Variants in TRIM44 observed in about 807,000 individuals in gnomAD.
TRIM44 encodes tripartite motif containing 44, also known as tripartite motif-containing protein 44.
TRIM44 carries 13 observed loss-of-function variants against 37.4 expected under a neutral mutation model. The observed-to-expected ratio is 0.35, with a 90% CI of 0.23 to 0.55. The LOEUF is 0.55. Ranked by LOEUF, TRIM44 falls within the 20% of genes least tolerant of loss-of-function variation. TRIM44 has a pLI of 0.89. For missense variants in TRIM44, 426 were observed against 437.2 expected (o/e 0.97, Z 0.23); for synonymous variants, 175 against 157.2 (o/e 1.11, Z -0.85).
intron 4 of TRIM44, among the ~76,000 whole-genome samples, chr11:35,786,062 C>T (rs979872720): frequency 4.6e-5 from 7 of 152,242 alleles, no homozygotes; most frequent in Non-Finnish European, 1.0e-4. Context: ...ATAGCTCCTA[C>T]TGAATGAGAA....
intron 2 of TRIM44, among the ~76,000 whole-genome samples, chr11:35,725,652 A>G (rs536528576): frequency 1.3e-5 from 2 of 152,224 alleles, no homozygotes; most frequent in East Asian, 3.9e-4. Context: ...TTTACTGTAT[A>G]TATTCATCGT....
rs142263796 is a variant in TRIM44 at position 35,709,695 on chromosome 11, A to G, written c.748-16229A>G. On this transcript the variant is annotated intron_variant, in intron 2 of 4. Transcript: ENST00000299413. ...CTCCAAAATCCAAGAGACAACTTACACTCCCCAGCTACTCTGAGAGATCAG... is the reference window on the plus strand; with the variant it reads ...CTCCAAAATCCAAGAGACAACTTACGCTCCCCAGCTACTCTGAGAGATCAG... 1.9e-3 allele frequency among the ~76,000 whole-genome samples: 286 copies of G among 151,994 alleles called. 2 individuals are homozygous for G. Among genetic ancestry groups the G allele is most frequent in the African/African-American group, 6.6e-3 (275 of 41,438 alleles).
At chr11:35,764,327 T>C (rs1852765342) in intron 4 of TRIM44, among the ~76,000 whole-genome samples, 1 of 152,222 alleles carries the variant, frequency 6.6e-6, no homozygotes, top group South Asian at 2.1e-4. Context: ...CAGATTAGGA[T>C]GGAATTGCCT....
At chr11:35,725,783 T>C in intron 2 of TRIM44, 141 bp from the exon 3 acceptor site, 1 of 853,512 alleles carries the variant, frequency 1.2e-6, no homozygotes, top group South Asian at 1.9e-5. Flanking sequence ...TAGGGGAACA[T>C]TGTTTTTAGG....
chr11:35,759,184 A>T (rs1400375074), intron 4 of TRIM44, among the ~76,000 whole-genome samples: 1 of 152,154 alleles, frequency 6.6e-6, no homozygotes, highest in Non-Finnish European at 1.5e-5. Flanking sequence ...TATTTCTTGG[A>T]GGCTTTGTTG....
chr11:35,769,998 T>C (rs1354852696), intron 4 of TRIM44, among the ~76,000 whole-genome samples: 4 of 152,190 alleles, frequency 2.6e-5, no homozygotes, highest in Non-Finnish European at 4.4e-5. Context: ...TGGGGTACAA[T>C]TGATCCTATC....
At chr11:35,737,476 G>A (rs560053157) in intron 4 of TRIM44, among the ~76,000 whole-genome samples, 30 of 152,160 alleles carry the variant, frequency 2.0e-4, no homozygotes, top group Admixed American at 3.9e-4. Flanking sequence ...GAACCCAGGA[G>A]TTCAAGAGCA....
At chr11:35,680,045 G>A (rs1387009771) in intron 1 of TRIM44, among the ~76,000 whole-genome samples, 1 of 152,148 alleles carries the variant, frequency 6.6e-6, no homozygotes, top group Non-Finnish European at 1.5e-5. Context: ...ATATCGTTTT[G>A]AGGATTTCAG....
chr11:35,735,190 T>C (rs557057845), intron 3 of TRIM44, among the ~76,000 whole-genome samples: 5 of 152,330 alleles, frequency 3.3e-5, no homozygotes, highest in South Asian at 4.2e-4. Context: ...GTCTGTGCAT[T>C]CACTTCTCTG....
chr11:35,701,668 TG>T (rs1254783418), intron 2 of TRIM44, among the ~76,000 whole-genome samples: 1 of 152,196 alleles, frequency 6.6e-6, no homozygotes, highest in Admixed American at 6.5e-5. Flanking sequence ...AGCAGGCTTA[TG>T]GGGTCCTAGG....
At chr11:35,719,256 G>GT (rs1852073257) in intron 2 of TRIM44, among the ~76,000 whole-genome samples, 1 of 152,056 alleles carries the variant, frequency 6.6e-6, no homozygotes, top group Admixed American at 6.6e-5. Flanking sequence ...TCTTGTTAAT[G>GT]TTTTGACTTG....
intron 4 of TRIM44, among the ~76,000 whole-genome samples, chr11:35,742,479 T>G (rs993378609): frequency 4.4e-5 from 6 of 135,862 alleles, no homozygotes. Context: ...TATAATTATA[T>G]TAATTGTATT....
intron 2 of TRIM44, among the ~76,000 whole-genome samples, chr11:35,714,207 A>G (rs927278619): frequency 1.3e-5 from 2 of 152,150 alleles, no homozygotes; most frequent in African/African-American, 4.8e-5. Context: ...GCACACAATA[A>G]AAGTTCACAG....
intron 1 of TRIM44, among the ~76,000 whole-genome samples, chr11:35,678,411 T>A (rs529785853): frequency 6.6e-6 from 1 of 152,118 alleles, no homozygotes; most frequent in African/African-American, 2.4e-5. Flanking sequence ...TGACTTTGAG[T>A]CTGACAACTA....
At chr11:35,704,284 T>C (rs1851841905) in intron 2 of TRIM44, among the ~76,000 whole-genome samples, 1 of 152,192 alleles carries the variant, frequency 6.6e-6, no homozygotes, top group South Asian at 2.1e-4. Flanking sequence ...CTACGTCTGA[T>C]TGGTGTACCT....
chr11:35,752,910 A>G (rs1435651616), intron 4 of TRIM44, among the ~76,000 whole-genome samples: 2 of 152,206 alleles, frequency 1.3e-5, no homozygotes, highest in Non-Finnish European at 2.9e-5. Flanking sequence ...TGTATTATAT[A>G]TTTAACTTAT....
intron 2 of TRIM44, among the ~76,000 whole-genome samples, chr11:35,689,785 T>G (rs1461726058): frequency 6.6e-6 from 1 of 152,192 alleles, no homozygotes; most frequent in African/African-American, 2.4e-5. Context: ...ACACGTTGAT[T>G]CCCTTTCCTC....
chr11:35,744,947 C>T (rs1330496620), intron 4 of TRIM44, among the ~76,000 whole-genome samples: 2 of 152,170 alleles, frequency 1.3e-5, no homozygotes, highest in Non-Finnish European at 2.9e-5. Context: ...ATATGTATCA[C>T]ATTTTCTTTA....
chr11:35,800,926 G>A (rs1234718129), intron 4 of TRIM44, among the ~76,000 whole-genome samples: 1 of 152,206 alleles, frequency 6.6e-6, no homozygotes, highest in African/African-American at 2.4e-5. Flanking sequence ...ACCAGGACTA[G>A]AACTCTGGTA....
Sources: gnomAD v4.1 joint callset for allele counts (sites outside exome capture counted in the v4.1 genomes callset) on GRCh38, gnomAD v4.1.1 for gene constraint, MANE v1.5 for transcripts, NCBI Gene and HGNC (gene_info 2026-07-23, HGNC 2026-07-21) for gene names.